Variants in PLEC observed in about 807,000 individuals in gnomAD.
PLEC encodes the protein plectin, also known as hemidesmosomal protein 1.
PLEC carries 216 observed loss-of-function variants against 392.8 expected under a neutral mutation model. The ratio of observed to expected loss-of-function variants is 0.55; its 90% CI spans 0.49 to 0.62. PLEC has a LOEUF of 0.62. Among genes scored for constraint, PLEC ranks in the 20% least tolerant of loss-of-function variants. The pLI is 0.00. For missense variants in PLEC, 6,863 were observed against 6,563.4 expected (o/e 1.05, Z -1.58); for synonymous variants, 3,621 against 2,980.6 (o/e 1.21, Z -7.00).
chr8:143,919,492 G>T lies in PLEC; in HGVS notation c.10329C>A (p.Ser3443Arg). ...GCATGGCCTGGAAGAGGGAGATGGT[G>T]CTGCCCGAGTAGGGGTCTCTGTAGC... Reference protein sequence around the residue: ...VTGYRDPYSGSTISLFQAMQK... With the variant: ...VTGYRDPYSGRTISLFQAMQK... The change falls in exon 32 of 32, where the codon AGC (serine) becomes AGA (arginine). Residue 3443 changes from serine (S) to arginine (R), a missense_variant. Physicochemically the swap from Ser to Arg is moderately radical, Grantham distance 110 (BLOSUM62 -1). Transcript: ENST00000345136. 6.2e-7 allele frequency: 1 copy of T among 1,613,080 alleles called. No homozygotes were observed. The highest frequency in any genetic ancestry group is 8.5e-7 in the Non-Finnish European group (1 of 1,179,882).
intron 1 of PLEC, 105 bp from the exon 2 acceptor site, chr8:143,938,797 G>C: frequency 1.0e-6 from 1 of 997,048 alleles, no homozygotes; most frequent in Non-Finnish European, 1.6e-6. Context: ...GTCCTGCCTG[G>C]GGAGCCCCAA....
rs782514940 is a variant in PLEC, at chr8:143,919,929, G to A, written c.9892C>T (p.Leu3298=). 41 of 1,613,228 alleles carry A rather than the reference G, an allele frequency of 2.5e-5. No homozygotes were observed. In the South Asian group the frequency reaches 3.3e-4, roughly 13 times the overall value. ...LITIVEEVET[L]RQERLSFSGL... ...CTGAAGGACAGCCTCTCCTGCCGCA[G>A]GGTCTCCACCTCCTCCACGATGGTA... Residue 3298 remains leucine, a synonymous_variant, in exon 32 of 32, where the codon CTG becomes TTG. Coordinates refer to ENST00000345136, the MANE Select transcript of PLEC (RefSeq NM_201384.3).
exon 1 of PLEC, chr8:143,950,807 G>A (rs1398050910): frequency 1.5e-5 from 23 of 1,510,170 alleles, no homozygotes; most frequent in Non-Finnish European, 1.9e-5. Flanking sequence ...TACAGGGTGT[G>A]ACAGCGGGCA....
chr8:143,973,588 C>T, upstream of PLEC: 1 of 964,960 alleles, frequency 1.0e-6, no homozygotes, highest in Non-Finnish European at 1.2e-6. This position sits in a 1 kb window ranked among gnomAD's most constrained non-coding sequence, Gnocchi z 5.6. Context: ...CCCGCCCCGC[C>T]CCCGCACCCA....
Position 143,918,095 on chromosome 8 carries a change from A to G in PLEC, c.11726T>C (p.Leu3909Pro). The change falls in exon 32 of 32, where the codon CTG (leucine) becomes CCG (proline). Residue 3909 changes from leucine to proline, a missense_variant. By Grantham distance (98) the Leu-to-Pro change is moderately conservative. Coordinates refer to ENST00000345136, the MANE Select transcript of PLEC (RefSeq NM_201384.3). The part of the protein sequence containing the change: ...RSQVMDEATA[L>P]QLREGLTSIE... ...GGAGGTCAGGCCCTCCCGCAGCTGC[A>G]GCGCCGTGGCCTCGTCCATGACCTG... The G allele has an allele frequency of 6.3e-7, 1 of 1,596,688 alleles. No homozygotes were observed. Among genetic ancestry groups the G allele is most frequent in the Admixed American group, 1.7e-5 (1 of 58,484 alleles).
At chr8:143,975,391 G>A, upstream of PLEC, 1 of 1,601,128 alleles carries the variant, frequency 6.2e-7, no homozygotes, top group Middle Eastern at 1.7e-4. This position sits in a 1 kb window ranked among gnomAD's most constrained non-coding sequence, Gnocchi z 9.9. Context: ...AGGGGAGCAG[G>A]AGGGGTCACA....
In PLEC at chr8:143,916,627, G is replaced by A. The variant is rs550089108; in HGVS notation, c.13194C>T (p.Ile4398=). The A allele has an allele frequency of 1.8e-5, 29 of 1,609,918 alleles. No individual in the cohort carries two copies. The highest frequency in any genetic ancestry group is 1.6e-4 in the Middle Eastern group (1 of 6,076). ...GCACGCGGCCCGGCGTGTCGGGCTC[G>A]ATCAAGCCGCCGGTCAGGTACTGCA... ...LEVQYLTGGL[I]EPDTPGRVPL... is the part of the protein sequence containing the mutation. Residue 4398 remains isoleucine (I), a synonymous_variant, in exon 32 of 32, where the codon ATC becomes ATT. Transcript: ENST00000345136.
chr8:143,920,927 T>G lies in PLEC; in HGVS notation c.8894A>C (p.Glu2965Ala). 6.2e-7 allele frequency: 1 copy of G among 1,612,748 alleles called. No individual in the cohort carries two copies. The highest frequency in any genetic ancestry group is 2.2e-5 in the East Asian group (1 of 44,876). The change falls in exon 32 of 32, where the codon GAG becomes GCG. Residue 2965 changes from glutamate to alanine, a missense_variant. By Grantham distance (107) the Glu-to-Ala change is moderately radical (BLOSUM62 -1). Transcript: ENST00000345136. ...GCAAAGCCGGCCCTTCTGCTCCTGC[T>G]CCTCCACCACCGTGATGATGATCTT... is the stretch of plus-strand genomic sequence containing the variant. The part of the protein sequence containing the change: ...IIKIIITVVE[E>A]QEQKGRLCFE...
chr8:143,933,292 G>A lies in PLEC; in HGVS notation c.1323C>T (p.Asp441=), dbSNP rs1554719261. The change falls in exon 13 of 32, where the codon GAC becomes GAT. Residue 441 remains aspartate (D), a synonymous_variant. Transcript: ENST00000345136. ...VPQRAGEVER[D]LDKADSMIRL... ...GGATCATGCTATCCGCCTTGTCCAA[G>A]TCCCGTTCCACCTCCCCCGCCCGCT... is the stretch of plus-strand genomic sequence containing the variant. 2 of 1,613,078 alleles carry A rather than the reference G, an allele frequency of 1.2e-6. No individual in the cohort carries two copies. Among genetic ancestry groups the A allele is most frequent in the South Asian group, 2.2e-5 (2 of 91,080 alleles).
At chr8:143,943,884 G>C (rs781793304), upstream of PLEC, 2 of 1,611,260 alleles carry the variant, frequency 1.2e-6, no homozygotes, top group Non-Finnish European at 1.7e-6. Flanking sequence ...CTGCCCGAGG[G>C]CTCCATAGCC....
chr8:143,954,559 C>T (rs909745724), upstream of PLEC, among the ~76,000 whole-genome samples: 2 of 152,228 alleles, frequency 1.3e-5, no homozygotes, highest in Non-Finnish European at 2.9e-5. This position sits in a 1 kb window ranked among gnomAD's most constrained non-coding sequence, Gnocchi z 4.6. Flanking sequence ...ACCCACCCCC[C>T]ACGACCACCA....
In PLEC at chr8:143,924,331, C is replaced by T. The variant is rs782793859; in HGVS notation, c.5598G>A (p.Leu1866=). The change falls in exon 31 of 32, where the codon CTG becomes CTA. Residue 1866 remains leucine (L), a synonymous_variant. Coordinates refer to ENST00000345136, the MANE Select transcript of PLEC (RefSeq NM_201384.3). ...AGGCCTCGTCCTCCGCCAGCCGCCG[C>T]AGGCGCTCGTTCTCCGCCTCCTTCT... ...LKEKEAENER[L]RRLAEDEAFQ... 1 of 1,596,720 alleles carries T rather than the reference C, an allele frequency of 6.3e-7. No individual in the cohort carries two copies. Among genetic ancestry groups the T allele is most frequent in the Non-Finnish European group, 8.5e-7 (1 of 1,178,604 alleles).
chr8:143,967,632 G>T (rs1400630353), intron 1 of PLEC, among the ~76,000 whole-genome samples: 3 of 152,116 alleles, frequency 2.0e-5, no homozygotes, highest in African/African-American at 7.2e-5. Context: ...ATGTAAAAAG[G>T]TGTAGTAGCC....
intron 11 of PLEC, 95 bp from the exon 12 acceptor site, chr8:143,934,186 C>T (rs1382462857): frequency 1.3e-6 from 2 of 1,584,584 alleles, no homozygotes; most frequent in Non-Finnish European, 1.7e-6. Flanking sequence ...GTCTCCCTGG[C>T]TGTGGCCCAC....
At chr8:143,970,187 G>C (rs1554743749) in intron 1 of PLEC, among the ~76,000 whole-genome samples, 2 of 152,126 alleles carry the variant, frequency 1.3e-5, no homozygotes, top group Non-Finnish European at 2.9e-5. Context: ...GATGGCGTAG[G>C]GCGTCATCTG....
chr8:143,920,321 G>A lies in PLEC; in HGVS notation c.9500C>T (p.Thr3167Ile). Residue 3167 changes from threonine to isoleucine, a missense_variant, in exon 32 of 32, where the codon ACC becomes ATC. Physicochemically the swap from Thr to Ile is moderately conservative, Grantham distance 89. Coordinates refer to ENST00000345136, the MANE Select transcript of PLEC (RefSeq NM_201384.3). ...ACARGCLDEE[T>I]SRALSAPRAD... ...CCTTGGTGCCGACAGGGCCCTGCTG[G>A]TCTCCTCATCCAGGCAGCCTCGGGC... The A allele has an allele frequency of 6.3e-7, 1 of 1,592,702 alleles. No individual in the cohort carries two copies.
upstream of PLEC, chr8:143,943,707 G>T: frequency 1.4e-6 from 2 of 1,391,458 alleles, no homozygotes; most frequent in Non-Finnish European, 2.0e-6. Flanking sequence ...AGGGCGCAGG[G>T]AATGAAGGGG....
chr8:143,932,384 C>T lies in PLEC; in HGVS notation c.1977+16G>A. The T allele has an allele frequency of 1.9e-6, 3 of 1,612,444 alleles. No homozygotes were observed. The East Asian group carries it at 6.7e-5, about 36-fold the overall frequency. On this transcript the variant is annotated intron_variant, in intron 16 of 31. Transcript: ENST00000345136. ...GAGGGGGCTGTGGGGTTCAGGGCAG[C>T]TGGGCCACCGCTCACCGAGTAGCTC...
rs1177932321 is a variant in PLEC at position 143,924,870 on chromosome 8, G to A, written c.5059C>T (p.Arg1687Trp). Reference sequence around the variant, plus strand: ...TCCAGCTCTTGTTCAGCCAGCTCCCGCTGCCGGACGGCCTGCTCCTCCGCC... The same window carrying A: ...TCCAGCTCTTGTTCAGCCAGCTCCCACTGCCGGACGGCCTGCTCCTCCGCC... ...GKAEEQAVRQ[R>W]ELAEQELEKQ... is the part of the protein sequence containing the mutation. Residue 1687 changes from arginine (R) to tryptophan (W), a missense_variant, in exon 31 of 32, where the codon CGG (arginine) becomes TGG (tryptophan). Physicochemically the swap from Arg to Trp is moderately radical, Grantham distance 101 (BLOSUM62 -3). Coordinates refer to ENST00000345136, the MANE Select transcript of PLEC (RefSeq NM_201384.3). 1.2e-5 allele frequency: 19 copies of A among 1,587,878 alleles called. No homozygotes were observed. Among genetic ancestry groups the A allele is most frequent in the South Asian group, 2.2e-5 (2 of 89,638 alleles).
Sources: gnomAD v4.1 joint callset for allele counts (sites outside exome capture counted in the v4.1 genomes callset) on GRCh38, gnomAD v4.1.1 for gene constraint, Gnocchi (gnomAD v3.1) non-coding constraint, MANE v1.5 for transcripts, NCBI Gene and HGNC (gene_info 2026-07-23, HGNC 2026-07-21) for gene names.